C2CD4A: variants seen among roughly 807,000 people sequenced by gnomAD.
C2CD4A encodes the protein C2 calcium-dependent domain-containing protein 4A.
C2CD4A carries 2 observed loss-of-function variants against 0.4 expected under a neutral mutation model. The observed-to-expected ratio is 4.45, with a 90% CI of 1.82 to 13.99. The LOEUF (loss-of-function observed/expected upper bound fraction) is 13.99. Ranked by LOEUF, C2CD4A falls within the 30% of genes most tolerant of loss-of-function variation. C2CD4A has a pLI of 0.04. For synonymous variants in C2CD4A, 297 were observed against 280.8 expected (o/e 1.06, Z -0.58); for missense variants, 610 against 574.2 (o/e 1.06, Z -0.64).
In C2CD4A at chr15:62,070,388, C is replaced by G. The variant is rs2049075908; in HGVS notation, c.*1665C>G. 4.8e-6 allele frequency: 2 copies of G among 413,282 alleles called. No individual in the cohort carries two copies. 25.6% of individuals were successfully genotyped at this position (413,282 alleles called of 1,614,324 possible). A position where few individuals can be genotyped will look rare whatever the true frequency, so the allele number is the denominator to read the frequency against. On this transcript the variant is annotated 3_prime_UTR_variant, in exon 2 of 2. Transcript: ENST00000355522. ...GTGTGATCATAGCTCACTGCAGCCT[C>G]TACCTCCTGACACAAGCTGTCATCC...
Position 62,067,835 on chromosome 15 carries a change from G to A in C2CD4A, c.222G>A (p.Met74Ile). 6.2e-7 allele frequency: 1 copy of A among 1,610,538 alleles called. No individual in the cohort carries two copies. ...ATTCTTGGGTCGAAGAAGCAGGGAT[G>A]GACGAGGGCGCCGGCCGCACAGACT... ...LRNSWVEEAG[M>I]DEGAGRTDWD... The change falls in exon 2 of 2, where the codon ATG (methionine) becomes ATA (isoleucine). Residue 74 changes from methionine to isoleucine, a missense_variant. Met to Ile is a conservative substitution (Grantham distance 10, BLOSUM62 1). Transcript: ENST00000355522.
rs777075857 is a variant in C2CD4A at position 62,067,773 on chromosome 15, C to T, written c.160C>T (p.Arg54Trp). The T allele has an allele frequency of 8.7e-6, 14 of 1,612,988 alleles. No homozygotes were observed. Among genetic ancestry groups the T allele is most frequent in the Non-Finnish European group, 1.2e-5 (14 of 1,179,946 alleles). Residue 54 changes from arginine to tryptophan, a missense_variant, in exon 2 of 2, where the codon CGG becomes TGG. Arg to Trp is a moderately radical substitution (Grantham distance 101, BLOSUM62 -3). Transcript: ENST00000355522. ...CATCCCTGAGTTCTGCATCCCGCCA[C>T]GGCTCATGCCCCGCCTGGCCTTGGC... The part of the protein sequence containing the change: ...DRIPEFCIPP[R>W]LMPRLALAAL...
chr15:62,068,412 AC>A lies in C2CD4A; in HGVS notation c.801del (p.Arg269GlyfsTer118). The part of the protein sequence containing the change: ...LRLAAEYCPG[T>X]GRLRLRLLRA... ...CCTGGCCGCCGAGTACTGTCCGGGA[AC>A]CGGGCGGCTCCGCCTCCGGCTGCTC... On this transcript the variant is annotated frameshift_variant, in exon 2 of 2. Coordinates refer to ENST00000355522, the MANE Select transcript of C2CD4A (RefSeq NM_207322.3). 1 of 1,399,852 alleles carries A rather than the reference AC, an allele frequency of 7.1e-7. No homozygotes were observed. 86.7% of individuals were successfully genotyped at this position (1,399,852 alleles called of 1,614,324 possible).
Position 62,068,780 on chromosome 15 carries a change from G to C in C2CD4A, c.*57G>C. 7.0e-7 allele frequency: 1 copy of C among 1,423,678 alleles called. No individual in the cohort carries two copies. The highest frequency in any genetic ancestry group is 9.2e-7 in the Non-Finnish European group (1 of 1,085,290). 88.2% of individuals were successfully genotyped at this position (1,423,678 alleles called of 1,614,324 possible). On this transcript the variant is annotated 3_prime_UTR_variant, in exon 2 of 2. Transcript: ENST00000355522. ...GGGGACTCCGGACACTGACAGCCGC[G>C]TGGTACAAAATAAACGTGTATTTGT...
chr15:62,067,595 T>G lies in C2CD4A; in HGVS notation c.-19T>G, dbSNP rs772041412. 1.9e-6 allele frequency: 3 copies of G among 1,567,610 alleles called. No homozygotes were observed. Among genetic ancestry groups the G allele is most frequent in the Non-Finnish European group, 1.7e-6 (2 of 1,159,966 alleles). On this transcript the variant is annotated 5_prime_UTR_variant, in exon 2 of 2. Transcript: ENST00000355522. ...CTTTGTGCACTGCAGGTAGACAAGC[T>G]CCAGCAGAGAGTGGCCAGATGTGGT...
rs758874313 is a variant in C2CD4A at position 62,068,475 on chromosome 15, C to T, written c.862C>T (p.Arg288Ter). 5.5e-6 allele frequency: 8 copies of T among 1,462,246 alleles called. No individual in the cohort carries two copies. Among genetic ancestry groups the T allele is most frequent in the South Asian group, 1.3e-5 (1 of 74,106 alleles). The allele number at this position is 1,462,246 out of a possible 1,614,324, so 90.6% of individuals were successfully genotyped here. A position where few individuals can be genotyped will look rare whatever the true frequency, so the allele number is the denominator to read the frequency against. ...CCCGGCCGGAGGCGCCCCCGGGCCCCGAGCCGTCAGCTGTCGCCTCAGCCT... is the reference window on the plus strand; with the variant it reads ...CCCGGCCGGAGGCGCCCCCGGGCCCTGAGCCGTCAGCTGTCGCCTCAGCCT... Reference protein sequence around the residue: ...ESPAGGAPGPRAVSCRLSLVL... With the variant: ...ESPAGGAPGP The change falls in exon 2 of 2, where the codon CGA (arginine) becomes TGA (stop). Residue 288 changes from arginine to a stop codon, truncating the protein, a stop_gained. Transcript: ENST00000355522. LOFTEE classifies it low-confidence loss of function (END_TRUNC).
In C2CD4A at chr15:62,067,816, G is replaced by C. The variant is rs777756585; in HGVS notation, c.203G>C (p.Trp68Ser). The C allele has an allele frequency of 6.8e-6, 11 of 1,611,730 alleles. No homozygotes were observed. Among genetic ancestry groups the C allele is most frequent in the Non-Finnish European group, 9.3e-6 (11 of 1,179,840 alleles). The change falls in exon 2 of 2, where the codon TGG becomes TCG. Residue 68 changes from tryptophan (W) to serine (S), a missense_variant. By Grantham distance (177) the Trp-to-Ser change is radical (BLOSUM62 -3). Transcript: ENST00000355522. ...RLALAALRNS[W>S]VEEAGMDEGA... ...GCCTTGGCTGCGCTCCGGAATTCTT[G>C]GGTCGAAGAAGCAGGGATGGACGAG...
Position 62,068,873 on chromosome 15 carries a change from A to C in C2CD4A, c.*150A>C, listed in dbSNP as rs1240465594. The C allele has an allele frequency of 3.5e-6, 4 of 1,155,942 alleles. No homozygotes were observed. The East Asian group carries it at 1.2e-4, about 34-fold the overall frequency. The allele number at this position is 1,155,942 out of a possible 1,614,324, so 71.6% of individuals were successfully genotyped here. A position where few individuals can be genotyped will look rare whatever the true frequency, so the allele number is the denominator to read the frequency against. On this transcript the variant is annotated 3_prime_UTR_variant, in exon 2 of 2. Transcript: ENST00000355522. ...ATTCTAGATTAACTATCCCAGTAAA[A>C]GATATGATATTTTCCATAGATACCT...
Position 62,068,243 on chromosome 15 carries a change from G to C in C2CD4A, c.630G>C (p.Gly210=). Residue 210 remains glycine, a synonymous_variant, in exon 2 of 2, where the codon GGG becomes GGC. Coordinates refer to ENST00000355522, the MANE Select transcript of C2CD4A (RefSeq NM_207322.3). ...CCCGCGTCCGCTCCGTCTCCAGCGG[G>C]AACGAGGACAAGGAGCGCCGCGCGG... The part of the protein sequence containing the change: ...RLTRVRSVSS[G]NEDKERRAGS... 6 of 1,375,990 alleles carry C rather than the reference G, an allele frequency of 4.4e-6. No individual in the cohort carries two copies. Among genetic ancestry groups the C allele is most frequent in the Non-Finnish European group, 5.6e-6 (6 of 1,064,350 alleles). 85.2% of individuals were successfully genotyped at this position (1,375,990 alleles called of 1,614,324 possible).
At position 62,068,598 on chromosome 15, in the gene C2CD4A, C is replaced by G; in HGVS notation, c.985C>G (p.Leu329Val). 1.3e-6 allele frequency: 2 copies of G among 1,568,692 alleles called. No individual in the cohort carries two copies. Among genetic ancestry groups the G allele is most frequent in the South Asian group, 2.3e-5 (2 of 85,518 alleles). The stretch of plus-strand genomic sequence containing the variant: ...TGACCAGGACTTCTGCTTCGACGGC[C>G]TCTCGGAGGACGAAGTGCGCCGCCT... ...SFDQDFCFDG[L>V]SEDEVRRLAV... Residue 329 changes from leucine (L) to valine (V), a missense_variant, in exon 2 of 2, where the codon CTC (leucine) becomes GTC (valine). Leu to Val is a conservative substitution (Grantham distance 32). Coordinates refer to ENST00000355522, the MANE Select transcript of C2CD4A (RefSeq NM_207322.3).
rs933229522 is a variant in C2CD4A at position 62,068,439 on chromosome 15, C to T, written c.826C>T (p.Arg276Cys). 3.5e-6 allele frequency: 5 copies of T among 1,414,812 alleles called. No individual in the cohort carries two copies. The East Asian group carries it at 1.5e-4, about 42-fold the overall frequency. The allele number at this position is 1,414,812 out of a possible 1,614,324, so 87.6% of individuals were successfully genotyped here. ...GTGRLRLRLL[R>C]AESPAGGAPG... ...CGGGCGGCTCCGCCTCCGGCTGCTC[C>T]GCGCCGAGAGCCCGGCCGGAGGCGC... The change falls in exon 2 of 2, where the codon CGC (arginine) becomes TGC (cysteine). Residue 276 changes from arginine to cysteine, a missense_variant. By Grantham distance (180) the Arg-to-Cys change is radical (BLOSUM62 -3). Transcript: ENST00000355522.
In C2CD4A at chr15:62,068,254, A is replaced by T; in HGVS notation, c.641A>T (p.Lys214Met). ...TCCGTCTCCAGCGGGAACGAGGACA[A>T]GGAGCGCCGCGCGGGCTCCCAGTCC... Reference protein sequence around the residue: ...VRSVSSGNEDKERRAGSQSPA... With the variant: ...VRSVSSGNEDMERRAGSQSPA... Residue 214 changes from lysine (K) to methionine (M), a missense_variant, in exon 2 of 2, where the codon AAG becomes ATG. Coordinates refer to ENST00000355522, the MANE Select transcript of C2CD4A (RefSeq NM_207322.3). 1 of 1,376,160 alleles carries T rather than the reference A, an allele frequency of 7.3e-7. No individual in the cohort carries two copies. The highest frequency in any genetic ancestry group is 1.6e-5 in the South Asian group (1 of 63,132). 85.2% of individuals were successfully genotyped at this position (1,376,160 alleles called of 1,614,324 possible). A position where few individuals can be genotyped will look rare whatever the true frequency, so the allele number is the denominator to read the frequency against.
In C2CD4A at chr15:62,068,252, C is replaced by G. The variant is rs1224408323; in HGVS notation, c.639C>G (p.Asp213Glu). The change falls in exon 2 of 2, where the codon GAC becomes GAG. Residue 213 changes from aspartate to glutamate, a missense_variant. Physicochemically the swap from Asp to Glu is conservative, Grantham distance 45. Coordinates refer to ENST00000355522, the MANE Select transcript of C2CD4A (RefSeq NM_207322.3). ...RVRSVSSGNEDKERRAGSQSP... is the reference protein window; with the variant it reads ...RVRSVSSGNEEKERRAGSQSP... ...GCTCCGTCTCCAGCGGGAACGAGGACAAGGAGCGCCGCGCGGGCTCCCAGT... is the reference window on the plus strand; with the variant it reads ...GCTCCGTCTCCAGCGGGAACGAGGAGAAGGAGCGCCGCGCGGGCTCCCAGT... 7.3e-7 allele frequency: 1 copy of G among 1,376,284 alleles called. No homozygotes were observed. The highest frequency in any genetic ancestry group is 9.4e-7 in the Non-Finnish European group (1 of 1,065,512). 85.3% of individuals were successfully genotyped at this position (1,376,284 alleles called of 1,614,324 possible).
chr15:62,068,127 C>T lies in C2CD4A; in HGVS notation c.514C>T (p.Leu172Phe), dbSNP rs928300311. 3.2e-5 allele frequency: 38 copies of T among 1,188,598 alleles called. No homozygotes were observed. The highest frequency in any genetic ancestry group is 4.6e-5 in the Admixed American group (1 of 21,640). The allele number at this position is 1,188,598 out of a possible 1,614,324, so 73.6% of individuals were successfully genotyped here. A position where few individuals can be genotyped will look rare whatever the true frequency, so the allele number is the denominator to read the frequency against. Residue 172 changes from leucine to phenylalanine, a missense_variant, in exon 2 of 2, where the codon CTC becomes TTC. Transcript: ENST00000355522. ...CTGTCCCCGCCCGCCCCAGGACGCG[C>T]TCGCCCGGCGGCCCCGCGGCTGCCG... ...PGCPRPPQDA[L>F]ARRPRGCRLL... is the part of the protein sequence containing the mutation.
In C2CD4A at chr15:62,069,536, C is replaced by T. The variant is rs117382113; in HGVS notation, c.*813C>T. ...GGTCAAGGCTGCAGTGAGCCGAGAT[C>T]GTGCCACTGCACTCCAACCTGGGCA... On this transcript the variant is annotated 3_prime_UTR_variant, in exon 2 of 2. Transcript: ENST00000355522. The T allele has an allele frequency of 4.3e-3, 663 of 155,642 alleles. 5 individuals carry two copies. The highest frequency in any genetic ancestry group is 7.0e-3 in the Non-Finnish European group (476 of 68,058). The allele number at this position is 155,642 out of a possible 1,614,324, so 9.6% of individuals were successfully genotyped here.
At chr15:62,067,506 T>G in intron 1 of C2CD4A, 79 bp from the exon 2 acceptor site, 2 of 1,209,428 alleles carry the variant, frequency 1.7e-6, no homozygotes, top group African/African-American at 1.5e-5. Context: ...CCCGAAAGTA[T>G]TAATAGGAGA....
chr15:62,068,079 C>A lies in C2CD4A; in HGVS notation c.466C>A (p.Pro156Thr). 2.7e-6 allele frequency: 3 copies of A among 1,126,724 alleles called. No individual in the cohort carries two copies. The highest frequency in any genetic ancestry group is 3.2e-6 in the Non-Finnish European group (3 of 923,646). The allele number at this position is 1,126,724 out of a possible 1,614,324, so 69.8% of individuals were successfully genotyped here. ...CCTGCGCGTCCCGCGAGCTCCGGGCCCGGCGACCCCCGCGGCCCCCGGCTG... is the reference window on the plus strand; with the variant it reads ...CCTGCGCGTCCCGCGAGCTCCGGGCACGGCGACCCCCGCGGCCCCCGGCTG... ...GTLRVPRAPG[P>T]ATPAAPGCPR... Residue 156 changes from proline (P) to threonine (T), a missense_variant, in exon 2 of 2, where the codon CCG becomes ACG. By Grantham distance (38) the Pro-to-Thr change is conservative (BLOSUM62 -1). Transcript: ENST00000355522.
Position 62,068,836 on chromosome 15 carries a change from C to A in C2CD4A, c.*113C>A. On this transcript the variant is annotated 3_prime_UTR_variant, in exon 2 of 2. Transcript: ENST00000355522. ...TTATCAGTCCCGTTTCAGTACAACACTGGCAGAGATGATTCTAGATTAACT... is the reference window on the plus strand; with the variant it reads ...TTATCAGTCCCGTTTCAGTACAACAATGGCAGAGATGATTCTAGATTAACT... The A allele has an allele frequency of 1.5e-6, 2 of 1,295,214 alleles. No individual in the cohort carries two copies. Among genetic ancestry groups the A allele is most frequent in the Non-Finnish European group, 2.0e-6 (2 of 982,398 alleles). 80.2% of individuals were successfully genotyped at this position (1,295,214 alleles called of 1,614,324 possible).
rs1437259400 is a variant in C2CD4A at position 62,070,727 on chromosome 15, T to G, written c.*2004T>G. The G allele has an allele frequency of 5.1e-6, 2 of 388,790 alleles. No homozygotes were observed. Among genetic ancestry groups the G allele is most frequent in the Non-Finnish European group, 9.4e-6 (2 of 212,176 alleles). The allele number at this position is 388,790 out of a possible 1,614,324, so 24.1% of individuals were successfully genotyped here. A position where few individuals can be genotyped will look rare whatever the true frequency, so the allele number is the denominator to read the frequency against. Reference sequence around the variant, plus strand: ...AGCTTGCAGTTGTTGACCAAATGAATGATGACATAGAGTAGTTCAGATCTA... The same window carrying G: ...AGCTTGCAGTTGTTGACCAAATGAAGGATGACATAGAGTAGTTCAGATCTA... On this transcript the variant is annotated 3_prime_UTR_variant, in exon 2 of 2. Transcript: ENST00000355522.
Sources: gnomAD v4.1 joint callset for allele counts on GRCh38, gnomAD v4.1.1 for gene constraint, MANE v1.5 for transcripts, NCBI Gene and HGNC (gene_info 2026-07-23, HGNC 2026-07-21) for gene names.